BORCS5: variants seen among roughly 807,000 people sequenced by gnomAD.
The protein encoded by BORCS5 is BLOC-1 related complex subunit 5.
In BORCS5, 17 loss-of-function variants were observed where a neutral mutation model predicts 22.1. That is an observed-to-expected ratio of 0.77 (90% confidence interval 0.53 to 1.15). BORCS5 has a LOEUF of 1.15. Among genes scored for constraint, BORCS5 ranks in the 50% most tolerant of loss-of-function variants. The pLI is 0.00. For missense variants in BORCS5, 247 were observed against 253.2 expected (o/e 0.98, Z 0.17); for synonymous variants, 117 against 99.8 (o/e 1.17, Z -1.03).
chr12:12,441,787 A>G (rs1027951506), intron 3 of BORCS5, among the ~76,000 whole-genome samples: 2 of 151,466 alleles, frequency 1.3e-5, no homozygotes, highest in African/African-American at 2.4e-5. Context: ...TGCCATGAAT[A>G]TGTAGTTTTT....
At chr12:12,415,181 G>C (rs2136094640) in intron 2 of BORCS5, among the ~76,000 whole-genome samples, 1 of 150,428 alleles carries the variant, frequency 6.6e-6, no homozygotes, top group Admixed American at 6.6e-5. Context: ...TCGGCACTTT[G>C]GGGGTCCAAG....
intron 2 of BORCS5, among the ~76,000 whole-genome samples, chr12:12,388,199 CTG>C (rs1863924584): frequency 1.3e-5 from 2 of 151,208 alleles, no homozygotes; most frequent in South Asian, 4.2e-4. Context: ...TCACCACAAA[CTG>C]TATTTATTAC....
At chr12:12,451,508 T>C (rs903847344) in intron 3 of BORCS5, among the ~76,000 whole-genome samples, 21 of 150,810 alleles carry the variant, frequency 1.4e-4, no homozygotes, top group African/African-American at 4.1e-4. Context: ...ATGCCGTAGG[T>C]AGGCACAGGA....
intron 2 of BORCS5, among the ~76,000 whole-genome samples, chr12:12,374,000 T>C (rs1269195608): frequency 6.9e-6 from 1 of 145,630 alleles, no homozygotes; most frequent in Non-Finnish European, 1.5e-5. Context: ...TTTTTTTTTT[T>C]TTTTTGAGAC....
intron 2 of BORCS5, among the ~76,000 whole-genome samples, chr12:12,389,690 C>T (rs560919024): frequency 1.1e-4 from 16 of 152,200 alleles, no homozygotes; most frequent in African/African-American, 2.9e-4. Flanking sequence ...GTCGCCCAGG[C>T]TGGAGTGCGG....
At chr12:12,393,328 C>T (rs1321886620) in intron 2 of BORCS5, among the ~76,000 whole-genome samples, 1 of 152,042 alleles carries the variant, frequency 6.6e-6, no homozygotes, top group Non-Finnish European at 1.5e-5. Flanking sequence ...TTAAACATGA[C>T]ACCCAGAATA....
intron 2 of BORCS5, among the ~76,000 whole-genome samples, chr12:12,433,566 A>G (rs1942484143): frequency 2.0e-5 from 3 of 152,272 alleles, no homozygotes; most frequent in African/African-American, 7.2e-5. Context: ...ATAGTTTTAC[A>G]AGATGTTTCC....
chr12:12,468,930 G>A lies in BORCS5; in HGVS notation c.*3154G>A, dbSNP rs1228956566. On this transcript the variant is annotated 3_prime_UTR_variant, in exon 4 of 4. Transcript: ENST00000314565. ...CACATATATAGTTTCCTGTGTCTTA[G>A]ATGATAACATCCTTAAAATATGAAA... 6.6e-6 allele frequency: 1 copy of A among 152,104 alleles called. No homozygotes were observed. Among genetic ancestry groups the A allele is most frequent in the Non-Finnish European group, 1.5e-5 (1 of 68,016 alleles). 9.4% of individuals were successfully genotyped at this position (152,104 alleles called of 1,614,324 possible).
chr12:12,363,876 CA>C (rs1214955998), intron 2 of BORCS5, among the ~76,000 whole-genome samples: 2 of 150,758 alleles, frequency 1.3e-5, no homozygotes, highest in African/African-American at 4.9e-5. Context: ...GCTTGGGCAA[CA>C]ACAGTGAAAC....
At chr12:12,416,690 G>C (rs1417880418) in intron 2 of BORCS5, among the ~76,000 whole-genome samples, 2 of 151,698 alleles carry the variant, frequency 1.3e-5, no homozygotes, top group Non-Finnish European at 2.9e-5. Context: ...CGAACTCCTG[G>C]GCTCAAGCGA....
At chr12:12,428,508 G>C (rs1333854417) in intron 2 of BORCS5, among the ~76,000 whole-genome samples, 1 of 152,160 alleles carries the variant, frequency 6.6e-6, no homozygotes, top group Non-Finnish European at 1.5e-5. Flanking sequence ...TTAATATATG[G>C]AATCTGTTAG....
intron 3 of BORCS5, among the ~76,000 whole-genome samples, chr12:12,454,769 T>G (rs1942969786): frequency 6.6e-6 from 1 of 152,236 alleles, no homozygotes; most frequent in South Asian, 2.1e-4. Flanking sequence ...TATAGCAGTG[T>G]TCTGTTTTCA....
intron 2 of BORCS5, among the ~76,000 whole-genome samples, chr12:12,415,105 T>TG (rs1252304029): frequency 8.3e-5 from 12 of 144,176 alleles, no homozygotes; most frequent in South Asian, 4.5e-4. Flanking sequence ...TCCCAGACGA[T>TG]GGGGGGCCAG....
chr12:12,365,949 G>A (rs927212355), intron 2 of BORCS5, among the ~76,000 whole-genome samples: 39 of 152,150 alleles, frequency 2.6e-4, no homozygotes, highest in African/African-American at 9.2e-4. Context: ...AGCGTGGTGG[G>A]TATGAGGTTG....
At chr12:12,423,192 C>T (rs750939883) in intron 2 of BORCS5, among the ~76,000 whole-genome samples, 29 of 151,902 alleles carry the variant, frequency 1.9e-4, no homozygotes, top group African/African-American at 5.3e-4. Flanking sequence ...TTAGTAGAGA[C>T]GGGGTCCCAC....
intron 2 of BORCS5, among the ~76,000 whole-genome samples, chr12:12,417,330 T>C (rs980200486): frequency 1.7e-4 from 26 of 152,216 alleles, no homozygotes; most frequent in African/African-American, 5.8e-4. Context: ...GAAGATTCTT[T>C]GTATAATATC....
chr12:12,442,014 A>G (rs908771978), intron 3 of BORCS5, among the ~76,000 whole-genome samples: 45 of 152,286 alleles, frequency 3.0e-4, no homozygotes, highest in African/African-American at 1.1e-3. Context: ...ACTTAGTTTT[A>G]GGTTACATCT....
intron 2 of BORCS5, among the ~76,000 whole-genome samples, chr12:12,364,448 A>G (rs1184302120): frequency 6.6e-6 from 1 of 152,214 alleles, no homozygotes; most frequent in Non-Finnish European, 1.5e-5. Context: ...AAAGATCTTC[A>G]TCATTGTCTT....
chr12:12,359,152 C>G (rs1863217422), intron 1 of BORCS5, among the ~76,000 whole-genome samples: 1 of 152,116 alleles, frequency 6.6e-6, no homozygotes, highest in Admixed American at 6.6e-5. Context: ...ATTACTTTCT[C>G]CCAAGGAACC....
Sources: allele counts gnomAD v4.1 joint callset (sites outside exome capture counted in the v4.1 genomes callset), GRCh38; gene constraint gnomAD v4.1.1; transcripts MANE v1.5; gene names NCBI Gene and HGNC (gene_info 2026-07-23, HGNC 2026-07-21).